The following MRPL1 variants were observed in gnomAD, a reference collection of about 807,000 sequenced individuals.
The protein encoded by MRPL1 is large ribosomal subunit protein uL1m.
In MRPL1, 28 loss-of-function variants were observed where a neutral mutation model predicts 38.0. The ratio of observed to expected loss-of-function variants is 0.74; its 90% CI spans 0.55 to 1.01. The LOEUF is 1.01. Among genes scored for constraint, MRPL1 ranks in the 50% least tolerant of loss-of-function variants. The pLI is 0.00. For synonymous variants in MRPL1, 123 were observed against 126.7 expected, an observed-to-expected ratio of 0.97 and a Z score of 0.20; for missense variants, 358 against 389.8, an observed-to-expected ratio of 0.92 and a Z score of 0.69.
chr4:77,894,046 C>T lies in MRPL1; in HGVS notation c.559-93C>T. On this transcript the variant is annotated intron_variant, in intron 5 of 8. Transcript: ENST00000315567. ...AAGAATTGTGCTTAATGTCTGTTTTCTGAATTATAAAGGAAATGACTACAT... is the reference window on the plus strand; with the variant it reads ...AAGAATTGTGCTTAATGTCTGTTTTTTGAATTATAAAGGAAATGACTACAT... The T allele has an allele frequency of 4.1e-6, 3 of 731,472 alleles. No homozygotes were observed. In the South Asian group the frequency reaches 5.1e-5, roughly 12 times the overall value. The allele number at this position is 731,472 out of a possible 1,614,324, so 45.3% of individuals were successfully genotyped here.
chr4:77,884,529 C>T (rs913716893), intron 3 of MRPL1, among the ~76,000 whole-genome samples: 1 of 152,158 alleles, frequency 6.6e-6, no homozygotes, highest in Non-Finnish European at 1.5e-5. Flanking sequence ...AAAATCTCCA[C>T]CTGTATTAGC....
intron 1 of MRPL1, among the ~76,000 whole-genome samples, chr4:77,866,681 C>G (rs571108619): frequency 6.6e-6 from 1 of 152,064 alleles, no homozygotes. Flanking sequence ...TGCCCTAGAA[C>G]AGTTTCTTGG....
chr4:77,875,218 G>A (rs374128991), intron 2 of MRPL1, among the ~76,000 whole-genome samples: 55 of 152,178 alleles, frequency 3.6e-4, no homozygotes, highest in African/African-American at 1.1e-3. Context: ...GAATTAACAC[G>A]TCTGTGATAC....
chr4:77,918,784 A>C (rs1366232158), intron 7 of MRPL1, among the ~76,000 whole-genome samples: 1 of 152,006 alleles, frequency 6.6e-6, no homozygotes, highest in East Asian at 1.9e-4. Context: ...TATATCCCCA[A>C]CTCCTAGAAG....
chr4:77,890,056 G>C (rs1735772227), intron 5 of MRPL1, among the ~76,000 whole-genome samples: 1 of 152,180 alleles, frequency 6.6e-6, no homozygotes, highest in African/African-American at 2.4e-5. Flanking sequence ...GAGGTACAAA[G>C]AGGAGCTGGT....
At chr4:77,883,992 G>A (rs77543484) in intron 3 of MRPL1, among the ~76,000 whole-genome samples, 4,583 of 152,212 alleles carry the variant, frequency 0.03, 93 homozygotes, top group Non-Finnish European at 0.043. Flanking sequence ...TATAAAATTT[G>A]TTGAAAACAC....
At chr4:77,916,572 A>G (rs181943448) in intron 7 of MRPL1, among the ~76,000 whole-genome samples, 1 of 152,264 alleles carries the variant, frequency 6.6e-6, no homozygotes, top group African/African-American at 2.4e-5. Flanking sequence ...TGCCACACAT[A>G]CTATTCTGTA....
At chr4:77,867,179 C>A (rs1335885129) in intron 1 of MRPL1, among the ~76,000 whole-genome samples, 5 of 152,156 alleles carry the variant, frequency 3.3e-5, no homozygotes, top group Non-Finnish European at 5.9e-5. Context: ...TTGTCTTCCC[C>A]CTCTAGACAT....
At chr4:77,884,134 T>C (rs77147305) in intron 3 of MRPL1, among the ~76,000 whole-genome samples, 3,265 of 152,010 alleles carry the variant, frequency 0.021, 118 homozygotes, top group African/African-American at 0.075. Context: ...CTAGGTGGCA[T>C]GTTTCTTCTC....
chr4:77,915,959 A>C (rs1270952856), intron 7 of MRPL1, among the ~76,000 whole-genome samples: 1 of 152,224 alleles, frequency 6.6e-6, no homozygotes, highest in Admixed American at 6.5e-5. Context: ...GGATAAAAGC[A>C]AGCTGCCAAG....
chr4:77,873,154 A>G (rs745342499), intron 2 of MRPL1, among the ~76,000 whole-genome samples: 3 of 152,266 alleles, frequency 2.0e-5, no homozygotes, highest in Non-Finnish European at 2.9e-5. Flanking sequence ...TAAAATTTAT[A>G]GAATGCTTCC....
chr4:77,886,442 C>T (rs1008088653), intron 4 of MRPL1, among the ~76,000 whole-genome samples: 7 of 151,630 alleles, frequency 4.6e-5, no homozygotes, highest in Non-Finnish European at 8.8e-5. Context: ...TCAAGTGATT[C>T]TCTTGCCTCA....
chr4:77,920,706 A>G (rs1272759579), intron 7 of MRPL1, among the ~76,000 whole-genome samples: 1 of 152,168 alleles, frequency 6.6e-6, no homozygotes, highest in East Asian at 1.9e-4. Context: ...CTTCTTCTAA[A>G]GGAAGAAGGG....
chr4:77,869,283 T>G (rs1015042584), intron 1 of MRPL1, among the ~76,000 whole-genome samples: 3 of 152,162 alleles, frequency 2.0e-5, no homozygotes, highest in Non-Finnish European at 4.4e-5. Flanking sequence ...GAATGAGTGC[T>G]GGATCAGGGA....
intron 6 of MRPL1, among the ~76,000 whole-genome samples, chr4:77,899,020 G>C (rs1383772025): frequency 7.3e-6 from 1 of 137,144 alleles, no homozygotes; most frequent in African/African-American, 2.8e-5. Flanking sequence ...TTGAGACAGA[G>C]TCTCGTTCTG....
At chr4:77,924,012 A>AG (rs1326461932) in intron 7 of MRPL1, among the ~76,000 whole-genome samples, 1 of 152,090 alleles carries the variant, frequency 6.6e-6, no homozygotes, top group Non-Finnish European at 1.5e-5. Context: ...AAAAAAAAAA[A>AG]AATAGTTTAA....
At chr4:77,925,954 G>A (rs1378133469) in intron 7 of MRPL1, among the ~76,000 whole-genome samples, 1 of 152,118 alleles carries the variant, frequency 6.6e-6, no homozygotes, top group Non-Finnish European at 1.5e-5. Flanking sequence ...AATAACATGT[G>A]TTCTGAGAAT....
chr4:77,865,660 C>A (rs1735112139), intron 1 of MRPL1, among the ~76,000 whole-genome samples: 1 of 152,134 alleles, frequency 6.6e-6, no homozygotes, highest in East Asian at 1.9e-4. Context: ...AGCCACTGCA[C>A]CTGGCTGACT....
At chr4:77,865,835 A>G (rs569488931) in intron 1 of MRPL1, among the ~76,000 whole-genome samples, 1 of 152,288 alleles carries the variant, frequency 6.6e-6, no homozygotes, top group South Asian at 2.1e-4. Context: ...GTCAATGAGT[A>G]GTGAAATTCA....
Sources: allele counts gnomAD v4.1 joint callset (sites outside exome capture counted in the v4.1 genomes callset), GRCh38; gene constraint gnomAD v4.1.1; transcripts MANE v1.5; gene names NCBI Gene and HGNC (gene_info 2026-07-23, HGNC 2026-07-21).